Variants in PRH1 observed in about 807,000 individuals in gnomAD.
The protein encoded by PRH1 is proline rich protein HaeIII subfamily 1.
Under a neutral mutation model 7.9 loss-of-function variants are expected in PRH1, and 7 were observed. That is an observed-to-expected ratio of 0.89 (90% CI 0.50 to 1.67). The LOEUF (loss-of-function observed/expected upper bound fraction) is 1.67. Among genes scored for constraint, PRH1 ranks in the 40% most tolerant of loss-of-function variants. PRH1 has a pLI of 0.00. For synonymous variants in PRH1, 45 were observed against 80.8 expected, an observed-to-expected ratio of 0.56 and a Z score of 2.38; for missense variants, 109 against 223.6, an observed-to-expected ratio of 0.49 and a Z score of 3.27.
intron 2 of PRH1, chr12:10,908,429 C>T: frequency 6.2e-7 from 1 of 1,613,392 alleles, no homozygotes; most frequent in East Asian, 2.2e-5. Flanking sequence ...AAAGAAAGGC[C>T]TGTCTTAACT....
At chr12:10,926,821 A>T (rs560404944) in intron 2 of PRH1, among the ~76,000 whole-genome samples, 12 of 152,316 alleles carry the variant, frequency 7.9e-5, no homozygotes, top group Admixed American at 6.5e-4. Flanking sequence ...AAAAGTTGGG[A>T]TGTGTTATGA....
chr12:10,974,299 C>A (rs1938984620), intron 1 of PRH1, among the ~76,000 whole-genome samples: 2 of 152,242 alleles, frequency 1.3e-5, no homozygotes, highest in Admixed American at 1.3e-4. Context: ...TACTCTGCCA[C>A]ACTACTGATG....
At chr12:11,120,023 T>C (rs7978581), downstream of PRH1, among the ~76,000 whole-genome samples, 4,985 of 152,326 alleles carry the variant, frequency 0.033, 268 homozygotes, top group African/African-American at 0.11. Context: ...ATATATGTGC[T>C]TGAGAATTTT....
intron 1 of PRH1, among the ~76,000 whole-genome samples, chr12:11,104,028 C>T (rs544069649): frequency 6.6e-6 from 1 of 152,140 alleles, no homozygotes; most frequent in Non-Finnish European, 1.5e-5. Context: ...TACCCTGTTG[C>T]TGTACCACCA....
intron 2 of PRH1, among the ~76,000 whole-genome samples, chr12:10,905,222 T>G (rs1949786543): frequency 6.6e-6 from 1 of 152,180 alleles, no homozygotes; most frequent in Non-Finnish European, 1.5e-5. Flanking sequence ...CCATTTTTTT[T>G]TTTTTGAGAC....
intron 1 of PRH1, among the ~76,000 whole-genome samples, chr12:10,982,385 C>T (rs2135973034): frequency 6.6e-6 from 1 of 152,312 alleles, no homozygotes; most frequent in East Asian, 1.9e-4. Context: ...GATGAATGCA[C>T]ATTAGCATAA....
At chr12:10,900,428 C>T (rs1013629805) in intron 2 of PRH1, among the ~76,000 whole-genome samples, 17 of 152,170 alleles carry the variant, frequency 1.1e-4, no homozygotes, top group African/African-American at 4.1e-4. Context: ...AACTAAGCAG[C>T]GTAGCTGTGC....
intron 1 of PRH1, among the ~76,000 whole-genome samples, chr12:11,041,769 G>C (rs1942719584): frequency 6.6e-6 from 1 of 152,104 alleles, no homozygotes. Context: ...CTGAAATATT[G>C]CCAAGCATCA....
intron 2 of PRH1, among the ~76,000 whole-genome samples, chr12:10,952,114 G>A (rs1035873788): frequency 2.0e-5 from 3 of 152,176 alleles, no homozygotes; most frequent in Non-Finnish European, 4.4e-5. Flanking sequence ...TCACCTGTCT[G>A]GTTCAGGCAC....
rs570987075 is a variant in PRH1 at position 11,026,575 on chromosome 12, G to A, written c.-126+20445C>T. Reference sequence around the variant, plus strand: ...ACAAAATATATAAAATATAATAACCGCATTCCCTAAGGAATGGAACTGGTC... The same window carrying A: ...ACAAAATATATAAAATATAATAACCACATTCCCTAAGGAATGGAACTGGTC... On this transcript the variant is annotated intron_variant, in intron 1 of 3. Transcript: ENST00000539853. 9.9e-5 allele frequency among the ~76,000 whole-genome samples: 15 copies of A among 152,030 alleles called. No individual in the cohort carries two copies. In the South Asian group the frequency reaches 1.2e-3, roughly 13 times the overall value.
At chr12:11,140,388 C>T (rs1946669202) in intron 1 of PRH1, among the ~76,000 whole-genome samples, 1 of 152,052 alleles carries the variant, frequency 6.6e-6, no homozygotes, top group African/African-American at 2.4e-5. Flanking sequence ...GTAAATTTAT[C>T]ATGTCTGAAT....
intron 1 of PRH1, among the ~76,000 whole-genome samples, chr12:11,130,564 G>A (rs2599399): frequency 0.75 from 113,326 of 152,038 alleles, 44,737 homozygotes; most frequent in East Asian, 0.96. Flanking sequence ...CTCTGGTCCA[G>A]GCTGCTCTGG....
chr12:10,910,284 A>G (rs1949877300), intron 2 of PRH1, among the ~76,000 whole-genome samples: 3 of 152,158 alleles, frequency 2.0e-5, no homozygotes, highest in Admixed American at 2.0e-4. Flanking sequence ...GTAAAAGATT[A>G]CAAAAATAAC....
intron 2 of PRH1, chr12:10,909,142 T>C (rs894876349): frequency 5.0e-6 from 8 of 1,613,948 alleles, no homozygotes; most frequent in Non-Finnish European, 6.8e-6. Flanking sequence ...ATTCTGGAGA[T>C]TGCCAAGATA....
chr12:11,062,093 C>A, intron 1 of PRH1: 2 of 1,613,634 alleles, frequency 1.2e-6, no homozygotes, highest in African/African-American at 1.3e-5. Context: ...AACTCAGTTG[C>A]ATACCAATTT....
At chr12:11,160,466 T>C (rs981645333) in intron 1 of PRH1, among the ~76,000 whole-genome samples, 41 of 116,790 alleles carry the variant, frequency 3.5e-4, no homozygotes, top group Admixed American at 2.5e-3. Flanking sequence ...TTTTTGTTTG[T>C]TTGTTTGTTT....
intron 1 of PRH1, among the ~76,000 whole-genome samples, chr12:11,164,088 A>G (rs1233657134): frequency 6.6e-6 from 1 of 152,168 alleles, no homozygotes; most frequent in African/African-American, 2.4e-5. Context: ...TTAATTTTAC[A>G]TATCAACTTG....
Position 11,096,776 on chromosome 12 carries a change from T to C in PRH1, n.124-49588A>G, listed in dbSNP as rs559048739. ...TCATTCTATTCCATTATTTAAATTT[T>C]ATGCGGTTTTTGTTTTTTTTGTTGT... On this transcript the variant is annotated intron_variant and non_coding_transcript_variant, in intron 1 of 4. Transcript: ENST00000541977. 2.0e-4 allele frequency among the ~76,000 whole-genome samples: 23 copies of C among 113,750 alleles called. 6 individuals are homozygous for C. The highest frequency in any genetic ancestry group is 6.7e-4 in the African/African-American group (23 of 34,212). The allele number at this position is 113,750 out of a possible 152,430, so 74.6% of individuals were successfully genotyped here.
At chr12:11,018,171 C>A (rs1232441643) in intron 1 of PRH1, among the ~76,000 whole-genome samples, 2 of 151,914 alleles carry the variant, frequency 1.3e-5, no homozygotes, top group Non-Finnish European at 2.9e-5. Flanking sequence ...CTCCATCAAG[C>A]CCGTAGGAGA....
Sources: allele counts gnomAD v4.1 joint callset (sites outside exome capture counted in the v4.1 genomes callset), GRCh38; gene constraint gnomAD v4.1.1; transcripts MANE v1.5; gene names NCBI Gene and HGNC (gene_info 2026-07-23, HGNC 2026-07-21).